KMT2C: variants seen among roughly 807,000 people sequenced by gnomAD.
KMT2C encodes histone-lysine N-methyltransferase 2C.
Under a neutral mutation model 507.9 loss-of-function variants are expected in KMT2C, and 88 were observed. That is an observed-to-expected ratio of 0.17 (90% CI 0.15 to 0.21). KMT2C has a LOEUF of 0.21. Among genes scored for constraint, KMT2C ranks in the 10% least tolerant of loss-of-function variants. KMT2C has a pLI of 1.00. For missense variants in KMT2C, 4,954 were observed against 5,957.8 expected (o/e 0.83, Z 5.55); for synonymous variants, 2,049 against 2,080.8 (o/e 0.98, Z 0.42).
At chr7:152,196,695 A>G (rs2093973062) in intron 27 of KMT2C, among the ~76,000 whole-genome samples, 1 of 152,194 alleles carries the variant, frequency 6.6e-6, no homozygotes, top group South Asian at 2.1e-4. Context: ...AAACAAGGAA[A>G]AAGGATTAAA....
chr7:152,423,369 C>T (rs1177607487), intron 1 of KMT2C, among the ~76,000 whole-genome samples: 2 of 152,314 alleles, frequency 1.3e-5, no homozygotes, highest in East Asian at 3.9e-4. Flanking sequence ...TTCCCAGCCT[C>T]CCTTGCAGCT....
Position 152,148,979 on chromosome 7 carries a change from G to T in KMT2C, c.12948C>A (p.Ala4316=). 6.3e-7 allele frequency: 1 copy of T among 1,580,906 alleles called. No homozygotes were observed. Among genetic ancestry groups the T allele is most frequent in the Non-Finnish European group, 8.6e-7 (1 of 1,164,884 alleles). The change falls in exon 52 of 59, where the codon GCC becomes GCA. Residue 4316 remains alanine, a synonymous_variant. Transcript: ENST00000262189. The surrounding 1 kb of genome is among the most constrained non-coding windows in gnomAD (Gnocchi z 7.1). ...GCTCATCTGGCTTGGCCTCGACTTG[G>T]GCTGCTTCAAAAGCAGGAGGGAAGG... ...PIAFPPAFEA[A]QVEAKPDELK... is the part of the protein sequence containing the mutation.
At chr7:152,283,123 G>A (rs916652285) in intron 6 of KMT2C, among the ~76,000 whole-genome samples, 14 of 152,362 alleles carry the variant, frequency 9.2e-5, no homozygotes, top group African/African-American at 3.1e-4. Flanking sequence ...TTAGCCAAAA[G>A]CAGAAAAGGG....
chr7:152,325,861 G>A (rs1378319340), intron 3 of KMT2C, among the ~76,000 whole-genome samples: 4 of 150,162 alleles, frequency 2.7e-5, no homozygotes, highest in Non-Finnish European at 4.4e-5. Context: ...TGCTTCTCAC[G>A]TGTTAAGTCT....
chr7:152,352,320 G>A (rs138221179), intron 2 of KMT2C, among the ~76,000 whole-genome samples: 13 of 152,168 alleles, frequency 8.5e-5, no homozygotes, highest in African/African-American at 2.6e-4. Flanking sequence ...ATTACAATGC[G>A]TGCCCGAAAC....
At chr7:152,273,088 G>C (rs992459953) in intron 7 of KMT2C, among the ~76,000 whole-genome samples, 1 of 152,056 alleles carries the variant, frequency 6.6e-6, no homozygotes, top group African/African-American at 2.4e-5. Context: ...ATAGTAAAGA[G>C]TTATAATTTC....
chr7:152,263,197 T>C (rs531127925), intron 8 of KMT2C, 67 bp from the exon 9 acceptor site: 1 of 1,381,454 alleles, frequency 7.2e-7, no homozygotes, highest in Admixed American at 1.8e-5. Flanking sequence ...TAAGTAATCA[T>C]GAAAATAATC....
intron 1 of KMT2C, among the ~76,000 whole-genome samples, chr7:152,361,726 T>A (rs1563990337): frequency 6.6e-6 from 1 of 152,028 alleles, no homozygotes; most frequent in Non-Finnish European, 1.5e-5. Context: ...AATATAAATA[T>A]GAATTTTCAC....
intron 6 of KMT2C, among the ~76,000 whole-genome samples, chr7:152,277,018 T>C (rs1317505433): frequency 6.6e-6 from 1 of 152,130 alleles, no homozygotes; most frequent in Non-Finnish European, 1.5e-5. Flanking sequence ...TTCAAGACTT[T>C]TATTTAATAG....
rs551495991 is a variant in KMT2C at position 152,286,656 on chromosome 7, C to T, written c.850-12789G>A. ...TTTTCCCTGTTCTTTCCACTAAATA[C>T]AGCTTTAAAAACCCTTAGCCGTGAT... On this transcript the variant is annotated intron_variant, in intron 6 of 58. Transcript: ENST00000262189. Among the ~76,000 whole-genome samples the T allele has an allele frequency of 5.5e-4, 84 of 152,264 alleles. 1 individual carries two copies. The highest frequency in any genetic ancestry group is 3.1e-3 in the South Asian group (15 of 4,824).
chr7:152,431,931 CTT>C (rs754659039), intron 1 of KMT2C, among the ~76,000 whole-genome samples: 1 of 152,176 alleles, frequency 6.6e-6, no homozygotes, highest in Non-Finnish European at 1.5e-5. Flanking sequence ...TTTTCTATCA[CTT>C]ATTTCAAATT....
chr7:152,146,532 T>G lies in KMT2C; in HGVS notation c.14031+67A>C, dbSNP rs1411498297. 6 of 1,479,698 alleles carry G rather than the reference T, an allele frequency of 4.1e-6. No homozygotes were observed. The African/African-American group carries it at 8.3e-5, about 20-fold the overall frequency. 91.7% of individuals were successfully genotyped at this position (1,479,698 alleles called of 1,614,324 possible). On this transcript the variant is annotated intron_variant, in intron 53 of 58. Transcript: ENST00000262189. ...GAAGAGTGCCACAAATGTTACAGCATGTGTTCAAGTGGTCACACTGAATCA... is the reference window on the plus strand; with the variant it reads ...GAAGAGTGCCACAAATGTTACAGCAGGTGTTCAAGTGGTCACACTGAATCA...
At chr7:152,139,355 G>C (rs868083672) in intron 56 of KMT2C, 96 bp from the exon 57 acceptor site, 7 of 1,101,346 alleles carry the variant, frequency 6.4e-6, no homozygotes, top group Non-Finnish European at 9.6e-6. Flanking sequence ...AAACTGAACG[G>C]AACGGCAGCC....
chr7:152,263,194 T>A (rs1359544734), intron 8 of KMT2C, 64 bp from the exon 9 acceptor site: 27 of 1,396,006 alleles, frequency 1.9e-5, no homozygotes, highest in Non-Finnish European at 2.6e-5. Flanking sequence ...ACATAAGTAA[T>A]CATGAAAATA....
intron 1 of KMT2C, among the ~76,000 whole-genome samples, chr7:152,425,138 C>A (rs2097803778): frequency 6.6e-6 from 1 of 152,162 alleles, no homozygotes. Context: ...AAAAGTAACA[C>A]CTTAATATAT....
intron 52 of KMT2C, among the ~76,000 whole-genome samples, chr7:152,147,796 C>T (rs565749370): frequency 7.2e-5 from 11 of 151,796 alleles, no homozygotes; most frequent in African/African-American, 1.9e-4. Flanking sequence ...AAATCATTCT[C>T]GGATTTACCT....
chr7:152,371,690 T>C (rs2097294836), intron 1 of KMT2C, among the ~76,000 whole-genome samples: 1 of 152,034 alleles, frequency 6.6e-6, no homozygotes, highest in African/African-American at 2.4e-5. Flanking sequence ...CTCAGCTCAC[T>C]GGAAACCCCA....
At chr7:152,272,497 C>T (rs1028340469) in intron 7 of KMT2C, among the ~76,000 whole-genome samples, 2 of 152,060 alleles carry the variant, frequency 1.3e-5, no homozygotes, top group African/African-American at 4.8e-5. Context: ...GAATATAATC[C>T]ACTCTGATAA....
intron 23 of KMT2C, among the ~76,000 whole-genome samples, chr7:152,212,019 G>C (rs1008184154): frequency 6.6e-6 from 1 of 152,120 alleles, no homozygotes; most frequent in Non-Finnish European, 1.5e-5. Flanking sequence ...CTGCACTCCA[G>C]CCTGGGCGAC....
Sources: gnomAD v4.1 joint callset for allele counts (sites outside exome capture counted in the v4.1 genomes callset) on GRCh38, gnomAD v4.1.1 for gene constraint, Gnocchi (gnomAD v3.1) non-coding constraint, MANE v1.5 for transcripts, NCBI Gene and HGNC (gene_info 2026-07-23, HGNC 2026-07-21) for gene names.